PPM1E: variants seen among roughly 807,000 people sequenced by gnomAD.
The protein encoded by PPM1E is protein phosphatase, Mg2+/Mn2+ dependent 1E.
In PPM1E, 20 loss-of-function variants were observed where a neutral mutation model predicts 65.9. The observed-to-expected ratio is 0.30, with a 90% CI of 0.21 to 0.44. The LOEUF is 0.44. PPM1E is among the 20% of genes least tolerant of loss of function. The pLI, the probability that PPM1E is intolerant of heterozygous loss-of-function variation, is 1.00. For missense variants in PPM1E, 713 were observed against 953.1 expected (o/e 0.75, Z 3.32); for synonymous variants, 352 against 374.9 (o/e 0.94, Z 0.70).
chr17:58,846,161 A>G (rs190075125), intron 1 of PPM1E, among the ~76,000 whole-genome samples: 1 of 152,270 alleles, frequency 6.6e-6, no homozygotes, highest in Non-Finnish European at 1.5e-5. Context: ...TTGGGACCCA[A>G]TTCTTTTGAG....
intron 1 of PPM1E, among the ~76,000 whole-genome samples, chr17:58,932,398 G>A (rs931217333): frequency 3.3e-5 from 5 of 152,164 alleles, no homozygotes; most frequent in Admixed American, 2.6e-4. Flanking sequence ...GAACTCGGGA[G>A]GTGGAGGTTG....
At chr17:58,783,174 A>AT (rs1315556188) in intron 1 of PPM1E, among the ~76,000 whole-genome samples, 1 of 152,248 alleles carries the variant, frequency 6.6e-6, no homozygotes, top group Non-Finnish European at 1.5e-5. Context: ...CTTTGACAGC[A>AT]TGATGATCAC....
intron 1 of PPM1E, among the ~76,000 whole-genome samples, chr17:58,947,838 G>A (rs548642149): frequency 6.6e-6 from 1 of 152,198 alleles, no homozygotes; most frequent in East Asian, 1.9e-4. Context: ...GTTCCAACTG[G>A]GGTCTCTGTT....
At chr17:58,811,686 T>G (rs2050369372) in intron 1 of PPM1E, among the ~76,000 whole-genome samples, 1 of 152,188 alleles carries the variant, frequency 6.6e-6, no homozygotes, top group East Asian at 1.9e-4. Flanking sequence ...TTTCTTTTTT[T>G]TTTGAGACAG....
At position 58,755,976 on chromosome 17, in the gene PPM1E, C is replaced by A; in HGVS notation, c.-22C>A. On this transcript the variant is annotated 5_prime_UTR_variant, in exon 1 of 7. The change creates a new upstream start codon in the 5' untranslated region. Transcript: ENST00000308249. ...GGCTTCCCCCAACCCCTTTCCCGGT[C>A]TGCCCTGGGGCATGAGCAGCGATGG... 1 of 1,613,726 alleles carries A rather than the reference C, an allele frequency of 6.2e-7. No individual in the cohort carries two copies.
At chr17:58,931,880 C>T (rs2051904594) in intron 1 of PPM1E, among the ~76,000 whole-genome samples, 1 of 152,182 alleles carries the variant, frequency 6.6e-6, no homozygotes, top group South Asian at 2.1e-4. Flanking sequence ...CACAAAAGAC[C>T]TTATGTGAGC....
At chr17:58,933,799 G>GAA (rs11316367) in intron 1 of PPM1E, among the ~76,000 whole-genome samples, 1 of 128,600 alleles carries the variant, frequency 7.8e-6, no homozygotes, top group East Asian at 2.4e-4. Context: ...TATCTCAAAA[G>GAA]AAAAAAAAAA....
At chr17:58,869,198 A>G (rs1247210245) in intron 1 of PPM1E, among the ~76,000 whole-genome samples, 2 of 152,198 alleles carry the variant, frequency 1.3e-5, no homozygotes, top group Non-Finnish European at 2.9e-5. Context: ...TATAGGAAGT[A>G]TCATTTTGGT....
At chr17:58,964,616 T>C (rs889787617) in intron 2 of PPM1E, among the ~76,000 whole-genome samples, 14 of 152,198 alleles carry the variant, frequency 9.2e-5, no homozygotes, top group African/African-American at 3.4e-4. Context: ...TCTTTTTCTA[T>C]CTAGGATCAC....
In PPM1E at chr17:58,959,046, C is replaced by T. The variant is rs545838647; in HGVS notation, c.583+3279C>T. 2.9e-4 allele frequency among the ~76,000 whole-genome samples: 44 copies of T among 152,146 alleles called. No individual in the cohort carries two copies. In the East Asian group the frequency reaches 8.3e-3, roughly 29 times the overall value. On this transcript the variant is annotated intron_variant, in intron 2 of 6. Coordinates refer to ENST00000308249, the MANE Select transcript of PPM1E (RefSeq NM_014906.5). ...TTAAGTAGGCCTGGTGTGGTGGCTA[C>T]GTCTGTAATCCCAGCACTTTGGGAG...
At chr17:58,979,889 CAG>C (rs2031262534) in intron 6 of PPM1E, 83 bp from the exon 7 acceptor site, 2 of 1,056,894 alleles carry the variant, frequency 1.9e-6, no homozygotes, top group Non-Finnish European at 2.7e-6. Context: ...AAGCTGTGAT[CAG>C]AGTCATGGCA....
intron 6 of PPM1E, among the ~76,000 whole-genome samples, chr17:58,975,485 AAAAT>A (rs1157071134): frequency 2.0e-5 from 3 of 152,208 alleles, no homozygotes; most frequent in African/African-American, 7.2e-5. Context: ...TTAATAATAA[AAAAT>A]AAACAATCTA....
chr17:58,762,897 CAAAAAAAAAAA>C (rs35912480), intron 1 of PPM1E, among the ~76,000 whole-genome samples: 2 of 93,178 alleles, frequency 2.1e-5, no homozygotes, highest in Admixed American at 2.4e-4. Flanking sequence ...GACTCCGTCT[CAAAAAAAAAAA>C]AAAAAAAAAT....
At chr17:58,835,631 C>T (rs2050647984) in intron 1 of PPM1E, among the ~76,000 whole-genome samples, 1 of 151,904 alleles carries the variant, frequency 6.6e-6, no homozygotes, top group Non-Finnish European at 1.5e-5. Flanking sequence ...CTAGCTCAGG[C>T]AATATAGTGA....
chr17:58,894,709 C>G (rs1201685531), intron 1 of PPM1E, among the ~76,000 whole-genome samples: 1 of 152,080 alleles, frequency 6.6e-6, no homozygotes, highest in African/African-American at 2.4e-5. Flanking sequence ...CACATACACA[C>G]ATTATTTAAA....
chr17:58,805,996 AAAAC>A (rs2050310028), intron 1 of PPM1E, among the ~76,000 whole-genome samples: 1 of 122,290 alleles, frequency 8.2e-6, no homozygotes, highest in Admixed American at 7.6e-5. Context: ...AAAACAAAAC[AAAAC>A]AAAAAAAAAA....
intron 1 of PPM1E, among the ~76,000 whole-genome samples, chr17:58,861,864 G>T (rs2050946113): frequency 6.6e-6 from 1 of 152,092 alleles, no homozygotes; most frequent in African/African-American, 2.4e-5. Context: ...AGGAGGTTGA[G>T]GCTGTAGTGA....
intron 6 of PPM1E, among the ~76,000 whole-genome samples, chr17:58,973,850 G>A (rs934161405): frequency 4.0e-5 from 6 of 151,152 alleles, no homozygotes; most frequent in Non-Finnish European, 8.8e-5. Context: ...TACTTGGGAG[G>A]TTGAGGCAGG....
At chr17:58,879,290 A>G (rs1202662363) in intron 1 of PPM1E, among the ~76,000 whole-genome samples, 1 of 149,460 alleles carries the variant, frequency 6.7e-6, no homozygotes, top group Admixed American at 6.7e-5. Context: ...TATAATATTT[A>G]TAATATTTTA....
Sources: allele counts gnomAD v4.1 joint callset (sites outside exome capture counted in the v4.1 genomes callset), GRCh38; gene constraint gnomAD v4.1.1; transcripts MANE v1.5; gene names NCBI Gene and HGNC (gene_info 2026-07-23, HGNC 2026-07-21).